The following HDAC9 variants were observed in gnomAD, a reference collection of about 807,000 sequenced individuals.
HDAC9 encodes MEF-2 interacting transcription repressor (MITR) protein.
In HDAC9, 41 loss-of-function variants were observed where a neutral mutation model predicts 139.4. The ratio of observed to expected loss-of-function variants is 0.29; its 90% confidence interval spans 0.23 to 0.38. The LOEUF (loss-of-function observed/expected upper bound fraction) is 0.38, where lower values mean the gene tolerates loss of function less well. HDAC9 is among the 10% of genes least tolerant of loss of function. The pLI, the probability that HDAC9 is intolerant of heterozygous loss-of-function variation, is 1.00. For synonymous variants in HDAC9, 517 were observed against 476.2 expected, an observed-to-expected ratio of 1.09 and a Z score of -1.12; for missense variants, 1,147 against 1,297.0, an observed-to-expected ratio of 0.88 and a Z score of 1.78.
rs57164025 is a variant in HDAC9, at chr7:18,124,008, A to G, written c.-97+36795A>G. 3.2e-3 allele frequency among the ~76,000 whole-genome samples: 495 copies of G among 152,316 alleles called. 3 individuals are homozygous for G. The highest frequency in any genetic ancestry group is 0.011 in the African/African-American group (448 of 41,578). ...TACTAAATAGGAAACTATTTCCCAG[A>G]AGCCCCACCTCCAGCAGGTTTCCCT... is the stretch of plus-strand genomic sequence containing the variant. On this transcript the variant is annotated intron_variant, in intron 1 of 12. Transcript: ENST00000417496.
intron 6 of HDAC9, among the ~76,000 whole-genome samples, chr7:18,626,721 A>T (rs796356473): frequency 3.9e-5 from 6 of 152,274 alleles, no homozygotes; most frequent in African/African-American, 1.4e-4. Context: ...TGAGAGCTCT[A>T]TATCTGGCTG....
At chr7:18,579,537 T>C (rs1827108850) in intron 2 of HDAC9, among the ~76,000 whole-genome samples, 1 of 152,214 alleles carries the variant, frequency 6.6e-6, no homozygotes, top group Non-Finnish European at 1.5e-5. Flanking sequence ...AACATTTGTA[T>C]ATCGCCAAAT....
At chr7:18,805,133 A>G (rs1051926470) in intron 17 of HDAC9, among the ~76,000 whole-genome samples, 11 of 152,154 alleles carry the variant, frequency 7.2e-5, no homozygotes, top group African/African-American at 1.4e-4. Context: ...AAGTATTCTG[A>G]CTATCCTGCT....
intron 1 of HDAC9, among the ~76,000 whole-genome samples, chr7:18,471,386 T>A (rs1794711883): frequency 2.6e-5 from 4 of 152,306 alleles, no homozygotes; most frequent in African/African-American, 9.6e-5. Flanking sequence ...TTAGTTTTTA[T>A]CCAATATTCC....
At chr7:18,393,851 C>T (rs1786771880) in intron 1 of HDAC9, among the ~76,000 whole-genome samples, 1 of 152,218 alleles carries the variant, frequency 6.6e-6, no homozygotes, top group Admixed American at 6.5e-5. Flanking sequence ...CTACAGGCTG[C>T]TTAAAAGCCA....
intron 15 of HDAC9, 54 bp downstream of exon 15, chr7:18,762,331 G>A: frequency 1.3e-6 from 2 of 1,592,032 alleles, no homozygotes; most frequent in East Asian, 2.2e-5. Context: ...ACTATCATTA[G>A]TCAACGCTGG....
chr7:18,753,673 T>C (rs569326038), intron 14 of HDAC9, among the ~76,000 whole-genome samples: 2 of 152,276 alleles, frequency 1.3e-5, no homozygotes, highest in South Asian at 4.1e-4. Context: ...TTTTGGTTTA[T>C]GTCAATTCAT....
chr7:18,569,705 C>A (rs959337406), intron 2 of HDAC9, among the ~76,000 whole-genome samples: 3 of 152,126 alleles, frequency 2.0e-5, no homozygotes, highest in Non-Finnish European at 4.4e-5. Flanking sequence ...TAAATGTCTT[C>A]AATTAATGCA....
intron 2 of HDAC9, among the ~76,000 whole-genome samples, chr7:18,212,632 G>T (rs1792023997): frequency 6.6e-6 from 1 of 152,154 alleles, no homozygotes; most frequent in South Asian, 2.1e-4. Flanking sequence ...GAAGTTTCTT[G>T]TTACGATGTA....
chr7:18,518,589 A>G (rs1388366851), intron 2 of HDAC9, among the ~76,000 whole-genome samples: 1 of 152,194 alleles, frequency 6.6e-6, no homozygotes, highest in Non-Finnish European at 1.5e-5. Flanking sequence ...ACAGCACACA[A>G]TAAAAAGCAA....
chr7:18,943,974 T>C (rs1782198368), intron 23 of HDAC9, among the ~76,000 whole-genome samples: 1 of 152,164 alleles, frequency 6.6e-6, no homozygotes, highest in South Asian at 2.1e-4. Flanking sequence ...TCCCCCAATC[T>C]ATTTGGTCAA....
At chr7:18,149,748 G>A (rs1786627011) in intron 1 of HDAC9, among the ~76,000 whole-genome samples, 1 of 151,980 alleles carries the variant, frequency 6.6e-6, no homozygotes. Flanking sequence ...TAGAGACAGG[G>A]TTTCACTGTG....
intron 2 of HDAC9, among the ~76,000 whole-genome samples, chr7:18,185,005 C>T (rs1353563651): frequency 6.6e-6 from 1 of 152,128 alleles, no homozygotes; most frequent in East Asian, 1.9e-4. Flanking sequence ...TGTAATTCTT[C>T]CCACCTAACT....
At chr7:18,629,679 G>GA (rs1331148031) in intron 7 of HDAC9, among the ~76,000 whole-genome samples, 198 bp downstream of exon 7, 1 of 152,158 alleles carries the variant, frequency 6.6e-6, no homozygotes, top group East Asian at 1.9e-4. Flanking sequence ...GGAAATGAAT[G>GA]AAAAAACAGA....
intron 12 of HDAC9, among the ~76,000 whole-genome samples, chr7:18,716,151 C>T (rs1409597418): frequency 6.6e-6 from 1 of 152,206 alleles, no homozygotes; most frequent in Admixed American, 6.5e-5. Flanking sequence ...TATCTCTAGA[C>T]CAGAGCTCTA....
chr7:18,509,722 A>G (rs929877316), intron 2 of HDAC9, among the ~76,000 whole-genome samples: 4 of 152,098 alleles, frequency 2.6e-5, no homozygotes, highest in African/African-American at 7.2e-5. Flanking sequence ...CCTCTGTAAT[A>G]TTAATACTTC....
intron 24 of HDAC9, among the ~76,000 whole-genome samples, chr7:18,967,600 T>C (rs2129332465): frequency 6.6e-6 from 1 of 151,864 alleles, no homozygotes; most frequent in South Asian, 2.1e-4. Context: ...GGTTTTGCAT[T>C]GATATACAAA....
At position 18,674,977 on chromosome 7, in the gene HDAC9, G is replaced by GATAAAA. The variant is rs558805162; in HGVS notation, c.1731+8505_1731+8510dup. On this transcript the variant is annotated intron_variant, in intron 12 of 25. Coordinates refer to ENST00000686413, the MANE Select transcript of HDAC9 (RefSeq NM_178425.4). ...TTCTAATATCTAGCATACATTTTTAGATAAAAATATAATATCTAGATTAAT... is the reference window on the plus strand; with the variant it reads ...TTCTAATATCTAGCATACATTTTTAGATAAAAATAAAAATATAATATCTAGATTAAT... Among the ~76,000 whole-genome samples the GATAAAA allele has an allele frequency of 3.9e-3, 590 of 151,846 alleles. 3 individuals carry two copies. The highest frequency in any genetic ancestry group is 0.02 in the Middle Eastern group (6 of 294).
chr7:18,745,594 C>A (rs1256602248), intron 13 of HDAC9, among the ~76,000 whole-genome samples: 2 of 128,438 alleles, frequency 1.6e-5, no homozygotes, highest in South Asian at 2.5e-4. Flanking sequence ...GGCCGGACTG[C>A]GGACTGCAGT....
Sources: gnomAD v4.1 joint callset for allele counts (sites outside exome capture counted in the v4.1 genomes callset) on GRCh38, gnomAD v4.1.1 for gene constraint, MANE v1.5 for transcripts, NCBI Gene and HGNC (gene_info 2026-07-23, HGNC 2026-07-21) for gene names.